Variants in HECTD4 observed in about 807,000 individuals in gnomAD.
HECTD4 encodes the protein HECT domain E3 ubiquitin protein ligase 4, also known as probable E3 ubiquitin-protein ligase HECTD4.
HECTD4 carries 114 observed loss-of-function variants against 471.5 expected under a neutral mutation model. The ratio of observed to expected loss-of-function variants is 0.24; its 90% confidence interval spans 0.21 to 0.28. The LOEUF (loss-of-function observed/expected upper bound fraction) is 0.28, where lower values mean the gene tolerates loss of function less well. Among genes scored for constraint, HECTD4 ranks in the 10% least tolerant of loss-of-function variants. HECTD4 has a pLI of 1.00. For synonymous variants in HECTD4, 2,012 were observed against 2,256.0 expected (o/e 0.89, Z 3.07); for missense variants, 3,866 against 5,651.5 (o/e 0.68, Z 10.13).
rs900292614 is a variant in HECTD4 at position 112,238,993 on chromosome 12, T to C, written c.5290+59A>G. 2.8e-5 allele frequency: 41 copies of C among 1,488,368 alleles called. No individual in the cohort carries two copies. In the Admixed American group the frequency reaches 9.4e-4, roughly 34 times the overall value. The allele number at this position is 1,488,368 out of a possible 1,614,324, so 92.2% of individuals were successfully genotyped here. A position where few individuals can be genotyped will look rare whatever the true frequency, so the allele number is the denominator to read the frequency against. On this transcript the variant is annotated intron_variant, in intron 34 of 75. Transcript: ENST00000682272. The stretch of plus-strand genomic sequence containing the variant: ...CTTTCATTTAGCATAAAAAAACCAA[T>C]AAACTAACACACCAATAGAAGAAAT...
rs769911489 is a variant in HECTD4, at chr12:112,163,103, A to T, written c.13059T>A (p.Gly4353=). The T allele has an allele frequency of 3.1e-6, 5 of 1,613,636 alleles. No homozygotes were observed. The South Asian group carries it at 5.5e-5, about 18-fold the overall frequency. The change falls in exon 75 of 76, where the codon GGT becomes GGA. Residue 4353 remains glycine (G), a synonymous_variant. Coordinates refer to ENST00000682272, the MANE Select transcript of HECTD4 (RefSeq NM_001388303.1). The surrounding 1 kb of genome is among the most constrained non-coding windows in gnomAD (Gnocchi z 8.2). ...IPFTCPCKDG[G]PDTAHVPPYP... is the part of the protein sequence containing the mutation. ...ACGGGGGCACATGGGCAGTGTCGGG[A>T]CCCCCATCTTTGCAGGGGCAGGTGA...
chr12:112,370,086 G>C (rs141418913), intron 1 of HECTD4, among the ~76,000 whole-genome samples: 48 of 152,288 alleles, frequency 3.2e-4, no homozygotes, highest in African/African-American at 1.1e-3. Flanking sequence ...TCACAAGGGT[G>C]CTTATAAAAG....
At chr12:112,346,130 G>A (rs546008282) in intron 1 of HECTD4, among the ~76,000 whole-genome samples, 1 of 152,190 alleles carries the variant, frequency 6.6e-6, no homozygotes, top group Non-Finnish European at 1.5e-5. Context: ...AAAACTGCGG[G>A]TTTAGAAGGT....
intron 1 of HECTD4, among the ~76,000 whole-genome samples, chr12:112,349,143 A>T (rs1009234180): frequency 5.3e-5 from 8 of 152,198 alleles, no homozygotes; most frequent in African/African-American, 1.9e-4. Flanking sequence ...CTGTAATCCC[A>T]GTTTGGGAGG....
chr12:112,250,524 C>T, intron 24 of HECTD4, 147 bp from the exon 25 acceptor site: 1 of 642,734 alleles, frequency 1.6e-6, no homozygotes, highest in Non-Finnish European at 2.7e-6. Flanking sequence ...AAGCTAAAGA[C>T]AAGTGAGCAT....
intron 4 of HECTD4, among the ~76,000 whole-genome samples, chr12:112,310,089 A>T (rs73423256): frequency 0.041 from 6,211 of 152,252 alleles, 279 homozygotes; most frequent in African/African-American, 0.11. Context: ...TGAGCTCAGT[A>T]AGTGACCCTG....
intron 17 of HECTD4, 69 bp downstream of exon 17, chr12:112,264,014 GA>G: frequency 7.0e-7 from 1 of 1,430,468 alleles, no homozygotes; most frequent in Non-Finnish European, 9.3e-7. Flanking sequence ...ATAAAACACA[GA>G]AATTTAGCCA....
At chr12:112,178,701 A>G (rs780062995) in intron 64 of HECTD4, among the ~76,000 whole-genome samples, 3 of 152,230 alleles carry the variant, frequency 2.0e-5, no homozygotes, top group Non-Finnish European at 4.4e-5. Context: ...GTGAGGTGTC[A>G]TGTGCCTGTA....
In HECTD4 at chr12:112,228,918, C is replaced by T; in HGVS notation, c.6520-107G>A. 1.8e-6 allele frequency: 2 copies of T among 1,111,282 alleles called. No individual in the cohort carries two copies. The highest frequency in any genetic ancestry group is 2.7e-6 in the Non-Finnish European group (2 of 751,010). 68.8% of individuals were successfully genotyped at this position (1,111,282 alleles called of 1,614,324 possible). ...TTTATAGTTGTCATTGTTGGCGTTACAGTAATAGTTTATACTACTAGGGTA... is the reference window on the plus strand; with the variant it reads ...TTTATAGTTGTCATTGTTGGCGTTATAGTAATAGTTTATACTACTAGGGTA... On this transcript the variant is annotated intron_variant, in intron 41 of 75. Coordinates refer to ENST00000682272, the MANE Select transcript of HECTD4 (RefSeq NM_001388303.1). The surrounding 1 kb of genome is among the most constrained non-coding windows in gnomAD (Gnocchi z 4.9).
At chr12:112,254,534 G>C (rs1169738686) in intron 21 of HECTD4, among the ~76,000 whole-genome samples, 4 of 152,062 alleles carry the variant, frequency 2.6e-5, no homozygotes, top group Admixed American at 1.3e-4. Context: ...ATTAATAACA[G>C]TTTGGCCCCT....
At position 112,162,788 on chromosome 12, in the gene HECTD4, AT is replaced by A; in HGVS notation, c.13120+253del. The stretch of plus-strand genomic sequence containing the variant: ...TGTTTCTTTTTTTTTTTTTTTAACC[AT>A]TTTTCTGCATTTAAAAGTTAGAAGA... On this transcript the variant is annotated intron_variant, in intron 75 of 75. Coordinates refer to ENST00000682272, the MANE Select transcript of HECTD4 (RefSeq NM_001388303.1). The surrounding 1 kb of genome is among the most constrained non-coding windows in gnomAD (Gnocchi z 5.2). 3.8e-6 allele frequency: 2 copies of A among 531,258 alleles called. No individual in the cohort carries two copies. Among genetic ancestry groups the A allele is most frequent in the South Asian group, 3.0e-5 (1 of 33,094 alleles). 32.9% of individuals were successfully genotyped at this position (531,258 alleles called of 1,614,324 possible).
intron 1 of HECTD4, among the ~76,000 whole-genome samples, chr12:112,330,766 G>A (rs1371969281): frequency 6.6e-6 from 1 of 152,182 alleles, no homozygotes; most frequent in Non-Finnish European, 1.5e-5. Context: ...CTTACACCTG[G>A]TTTCCACTGT....
In HECTD4 at chr12:112,327,350, T is replaced by C. The variant is rs1410348900; in HGVS notation, c.178-7608A>G. On this transcript the variant is annotated intron_variant, in intron 1 of 75. Transcript: ENST00000682272. ...GAAAAAAAGGAAGTGTTTAATTAAA[T>C]TATAACATCTCAAAATGAAATATTA... Among the ~76,000 whole-genome samples the C allele has an allele frequency of 4.6e-5, 7 of 151,868 alleles. No individual in the cohort carries two copies. In the East Asian group the frequency reaches 7.7e-4, roughly 17 times the overall value.
Position 112,217,193 on chromosome 12 carries a change from G to A in HECTD4, c.7077C>T (p.Pro2359=). ...PPPLQADRRQ[P]KEITWSPSRV... The stretch of plus-strand genomic sequence containing the variant: ...GCGAGGGGCTCCAAGTAATCTCTTT[G>A]GGCTGCATCAGGGAGAAAAACCCAT... Residue 2359 remains proline, a splice_region_variant and synonymous_variant, in exon 46 of 76, where the codon CCC becomes CCT. Transcript: ENST00000682272. 1.3e-6 allele frequency: 2 copies of A among 1,506,506 alleles called. No homozygotes were observed. The highest frequency in any genetic ancestry group is 8.9e-7 in the Non-Finnish European group (1 of 1,127,442). 93.3% of individuals were successfully genotyped at this position (1,506,506 alleles called of 1,614,324 possible).
At chr12:112,276,180 C>A (rs1303563453) in intron 9 of HECTD4, among the ~76,000 whole-genome samples, 1 of 152,192 alleles carries the variant, frequency 6.6e-6, no homozygotes, top group Non-Finnish European at 1.5e-5. Context: ...CGAAGAGGAA[C>A]AGGACACAGA....
chr12:112,170,120 G>A, intron 69 of HECTD4: 2 of 638,226 alleles, frequency 3.1e-6, no homozygotes, highest in Non-Finnish European at 5.3e-6. Flanking sequence ...GCAGCTGGGT[G>A]GGCCCCCGGG....
rs191884113 is a variant in HECTD4, at chr12:112,335,785, C to G, written c.178-16043G>C. Reference sequence around the variant, plus strand: ...ACCACTAATGAACTTACTCATGGAACCAAGCACAACCTGTTCCCCAATAAC... The same window carrying G: ...ACCACTAATGAACTTACTCATGGAAGCAAGCACAACCTGTTCCCCAATAAC... On this transcript the variant is annotated intron_variant, in intron 1 of 75. Transcript: ENST00000682272. Among the ~76,000 whole-genome samples, 4 of 152,086 alleles carry G rather than the reference C, an allele frequency of 2.6e-5. No individual in the cohort carries two copies. In the East Asian group the frequency reaches 7.7e-4, roughly 29 times the overall value.
chr12:112,328,175 G>GTC (rs1374053679), intron 1 of HECTD4, among the ~76,000 whole-genome samples: 2 of 151,730 alleles, frequency 1.3e-5, no homozygotes, highest in African/African-American at 4.8e-5. Context: ...GTCTTGCCCT[G>GTC]TCATCCAGGC....
intron 60 of HECTD4, among the ~76,000 whole-genome samples, chr12:112,190,272 T>A (rs1245197788): frequency 6.6e-6 from 1 of 152,238 alleles, no homozygotes; most frequent in Admixed American, 6.5e-5. Context: ...GACATCAGTA[T>A]GCTTCATCCC....
Sources: allele counts gnomAD v4.1 joint callset (sites outside exome capture counted in the v4.1 genomes callset), GRCh38; gene constraint gnomAD v4.1.1; non-coding constraint Gnocchi (gnomAD v3.1); transcripts MANE v1.5; gene names NCBI Gene and HGNC (gene_info 2026-07-23, HGNC 2026-07-21).